NPAS3: variants seen among roughly 807,000 people sequenced by gnomAD.
The protein encoded by NPAS3 is neuronal PAS domain protein 3.
A neutral mutation model predicts 73.1 loss-of-function variants in NPAS3; 14 were observed. The observed-to-expected ratio is 0.19, with a 90% confidence interval of 0.13 to 0.30. The LOEUF (loss-of-function observed/expected upper bound fraction) is 0.30, where lower values mean the gene tolerates loss of function less well. Ranked by LOEUF, NPAS3 falls within the 10% of genes least tolerant of loss-of-function variation. The probability of loss-of-function intolerance (pLI) is 1.00; values close to 1 mark genes in which losing one functional copy is unlikely to be tolerated. For synonymous variants in NPAS3, 620 were observed against 541.5 expected, an observed-to-expected ratio of 1.14 and a Z score of -2.01; for missense variants, 1,096 against 1,250.0, an observed-to-expected ratio of 0.88 and a Z score of 1.86.
At chr14:33,733,198 G>A (rs2061441515) in intron 6 of NPAS3, among the ~76,000 whole-genome samples, 2 of 152,084 alleles carry the variant, frequency 1.3e-5, no homozygotes, top group South Asian at 2.1e-4. Context: ...GAGGACCAGT[G>A]CCAATAAATG....
chr14:33,197,257 GTGTGTGTGTGT>G (rs1337346357), intron 2 of NPAS3, among the ~76,000 whole-genome samples: 5 of 149,272 alleles, frequency 3.3e-5, no homozygotes, highest in African/African-American at 1.2e-4. Context: ...GTGTGTGTGT[GTGTGTGTGTGT>G]TCTTTTTCAA....
At chr14:33,721,921 C>G (rs2061124407) in intron 6 of NPAS3, among the ~76,000 whole-genome samples, 1 of 152,114 alleles carries the variant, frequency 6.6e-6, no homozygotes, top group South Asian at 2.1e-4. Flanking sequence ...AAAGGACAGC[C>G]TACTGATACT....
chr14:33,285,556 C>A (rs555067870), intron 3 of NPAS3, among the ~76,000 whole-genome samples: 5 of 152,314 alleles, frequency 3.3e-5, no homozygotes, highest in Admixed American at 2.6e-4. Context: ...ACGTGTTCCA[C>A]ACTTACAGGT....
At chr14:33,234,123 T>A (rs1187738321) in intron 3 of NPAS3, among the ~76,000 whole-genome samples, 1 of 152,170 alleles carries the variant, frequency 6.6e-6, no homozygotes, top group Non-Finnish European at 1.5e-5. Context: ...TTTGGCTTGC[T>A]AGCATTTTTT....
rs78919424 is a variant in NPAS3 at position 33,601,786 on chromosome 14, G to A, written c.558+41576G>A. ...TTCATCATTATCAATGTCTTTTAGC[G>A]GTAAATATCCTCTTAAATGAAAGTT... is the stretch of plus-strand genomic sequence containing the variant. On this transcript the variant is annotated intron_variant, in intron 5 of 11. Transcript: ENST00000356141. 1.6e-4 allele frequency among the ~76,000 whole-genome samples: 25 copies of A among 152,224 alleles called. No individual in the cohort carries two copies. In the East Asian group the frequency reaches 3.1e-3, roughly 19 times the overall value.
At chr14:33,590,343 CA>C (rs2057019150) in intron 5 of NPAS3, among the ~76,000 whole-genome samples, 1 of 152,032 alleles carries the variant, frequency 6.6e-6, no homozygotes, top group African/African-American at 2.4e-5. Flanking sequence ...AGTATTTATA[CA>C]AATATATATA....
In NPAS3 at chr14:33,391,150, G is replaced by GACATTTAAACAAA. The variant is rs2046983750; in HGVS notation, c.468+23884_468+23896dup. The stretch of plus-strand genomic sequence containing the variant: ...AATCAAATATTAAGAGACAATAATA[G>GACATTTAAACAAA]ACATTTAAACAAAAATCCTCATTCT... On this transcript the variant is annotated intron_variant, in intron 4 of 11. Transcript: ENST00000356141. Among the ~76,000 whole-genome samples, 10 of 146,076 alleles carry GACATTTAAACAAA rather than the reference G, an allele frequency of 6.8e-5. No individual in the cohort carries two copies. In the South Asian group the frequency reaches 1.8e-3, roughly 26 times the overall value.
In NPAS3 at chr14:32,985,635, A is replaced by C. The variant is rs1281647558; in HGVS notation, c.50+46269A>C. ...AGGTATTATGTTTAAAAAACAAAACAAAACACAAAAATCAACAAACTCATA... is the reference window on the plus strand; with the variant it reads ...AGGTATTATGTTTAAAAAACAAAACCAAACACAAAAATCAACAAACTCATA... On this transcript the variant is annotated intron_variant, in intron 1 of 11. Transcript: ENST00000356141. 2.0e-5 allele frequency among the ~76,000 whole-genome samples: 3 copies of C among 152,318 alleles called. No homozygotes were observed. In the East Asian group the frequency reaches 5.8e-4, roughly 29 times the overall value.
intron 3 of NPAS3, among the ~76,000 whole-genome samples, chr14:33,267,506 T>G (rs1051450140): frequency 6.6e-6 from 1 of 152,138 alleles, no homozygotes; most frequent in East Asian, 1.9e-4. Flanking sequence ...TGAAAGACTT[T>G]GTAGGCACTC....
chr14:33,787,502 C>T (rs1014246645), intron 9 of NPAS3, among the ~76,000 whole-genome samples: 5 of 150,384 alleles, frequency 3.3e-5, no homozygotes, highest in Admixed American at 2.0e-4. Flanking sequence ...TACTCATTCA[C>T]AAAACATCTA....
chr14:33,038,493 ATCTG>A (rs1257794655), intron 1 of NPAS3, among the ~76,000 whole-genome samples: 5 of 151,958 alleles, frequency 3.3e-5, no homozygotes, highest in East Asian at 3.9e-4. Context: ...ATGTTAAAGT[ATCTG>A]TCTATTTATA....
At chr14:33,287,550 T>C (rs8013543) in intron 3 of NPAS3, among the ~76,000 whole-genome samples, 25,685 of 151,988 alleles carry the variant, frequency 0.17, 2,384 homozygotes, top group African/African-American at 0.22. Flanking sequence ...CTTACCTCAT[T>C]TCTTCCAAGT....
chr14:33,293,320 T>C (rs567411016), intron 3 of NPAS3, among the ~76,000 whole-genome samples: 1 of 152,268 alleles, frequency 6.6e-6, no homozygotes, highest in African/African-American at 2.4e-5. Context: ...AAAATAAAGG[T>C]GGGCATGGTA....
At chr14:33,728,631 C>T (rs1251505789) in intron 6 of NPAS3, among the ~76,000 whole-genome samples, 1 of 152,146 alleles carries the variant, frequency 6.6e-6, no homozygotes, top group East Asian at 1.9e-4. Context: ...CACCAGTAGT[C>T]AAGGATCACA....
intron 4 of NPAS3, among the ~76,000 whole-genome samples, chr14:33,537,335 T>C (rs1428923239): frequency 6.6e-6 from 1 of 152,192 alleles, no homozygotes; most frequent in Non-Finnish European, 1.5e-5. Context: ...CTTTTGAGGA[T>C]TAAAATGAAA....
At chr14:33,576,005 T>G (rs2056418478) in intron 5 of NPAS3, among the ~76,000 whole-genome samples, 1 of 151,972 alleles carries the variant, frequency 6.6e-6, no homozygotes, top group Non-Finnish European at 1.5e-5. Context: ...ACCTCAACCC[T>G]TAGGTTGCCA....
At chr14:33,234,085 G>A (rs1434786049) in intron 3 of NPAS3, among the ~76,000 whole-genome samples, 1 of 151,976 alleles carries the variant, frequency 6.6e-6, no homozygotes, top group Non-Finnish European at 1.5e-5. Flanking sequence ...AAGTTAAAGG[G>A]GTCCTTGAAA....
At chr14:33,153,448 A>G (rs2044532859) in intron 2 of NPAS3, among the ~76,000 whole-genome samples, 1 of 152,062 alleles carries the variant, frequency 6.6e-6, no homozygotes, top group Non-Finnish European at 1.5e-5. Context: ...GGAACTTCCA[A>G]TTTCTCATTT....
chr14:33,644,329 A>ATATATT (rs1338608409), intron 5 of NPAS3, among the ~76,000 whole-genome samples: 1 of 152,212 alleles, frequency 6.6e-6, no homozygotes, highest in Non-Finnish European at 1.5e-5. Context: ...ACCTTTATTT[A>ATATATT]TATATTTATA....
Sources: allele counts gnomAD v4.1 joint callset (sites outside exome capture counted in the v4.1 genomes callset), GRCh38; gene constraint gnomAD v4.1.1; transcripts MANE v1.5; gene names NCBI Gene and HGNC (gene_info 2026-07-23, HGNC 2026-07-21).